The following ST8SIA6 variants were observed in gnomAD, a reference collection of about 807,000 sequenced individuals.
The protein encoded by ST8SIA6 is alpha-2,8-sialyltransferase 8F.
A neutral mutation model predicts 33.6 loss-of-function variants in ST8SIA6; 39 were observed. That is an observed-to-expected ratio of 1.16 (90% CI 0.90 to 1.52). The LOEUF (loss-of-function observed/expected upper bound fraction) is 1.52. Among genes scored for constraint, ST8SIA6 ranks in the 40% most tolerant of loss-of-function variants. The pLI, the probability that ST8SIA6 is intolerant of heterozygous loss-of-function variation, is 0.00. For missense variants in ST8SIA6, 441 were observed against 443.8 expected, an observed-to-expected ratio of 0.99 and a Z score of 0.06; for synonymous variants, 172 against 167.2, an observed-to-expected ratio of 1.03 and a Z score of -0.22.
chr10:17,349,946 A>G (rs1213824559), intron 4 of ST8SIA6, among the ~76,000 whole-genome samples: 1 of 152,118 alleles, frequency 6.6e-6, no homozygotes, highest in Non-Finnish European at 1.5e-5. Flanking sequence ...ACACACACAC[A>G]CACACACATA....
intron 2 of ST8SIA6, among the ~76,000 whole-genome samples, chr10:17,445,198 C>T (rs965701156): frequency 6.6e-6 from 1 of 152,030 alleles, no homozygotes. Flanking sequence ...CCATTGTGAA[C>T]ATATACAACA....
chr10:17,321,733 T>TA (rs1847955613), intron 7 of ST8SIA6, among the ~76,000 whole-genome samples: 1 of 152,214 alleles, frequency 6.6e-6, no homozygotes, highest in African/African-American at 2.4e-5. Flanking sequence ...CAATACATTT[T>TA]AAAAAATTCA....
chr10:17,380,676 C>T (rs1443498672), intron 3 of ST8SIA6, among the ~76,000 whole-genome samples: 1 of 152,148 alleles, frequency 6.6e-6, no homozygotes, highest in Admixed American at 6.6e-5. Flanking sequence ...ATTTAAAAAA[C>T]AAATTTGTGT....
At chr10:17,350,135 T>C (rs1165103102) in intron 4 of ST8SIA6, among the ~76,000 whole-genome samples, 2 of 152,178 alleles carry the variant, frequency 1.3e-5, no homozygotes, top group Non-Finnish European at 2.9e-5. Flanking sequence ...CCAAAGTCCG[T>C]AGTCCCTCCA....
chr10:17,420,753 G>A (rs2026683), intron 2 of ST8SIA6, among the ~76,000 whole-genome samples: 2,655 of 152,214 alleles, frequency 0.017, 77 homozygotes, highest in African/African-American at 0.06. Flanking sequence ...ACCTTGTATT[G>A]GTGTCACACT....
At position 17,358,021 on chromosome 10, in the gene ST8SIA6, A is replaced by G. The variant is rs537559548; in HGVS notation, c.377+1493T>C. ...CCAGGACCTCTCAAATCCAGTCTCA[A>G]ATAGATTGAATTTGGCATAAAACGT... is the stretch of plus-strand genomic sequence containing the variant. On this transcript the variant is annotated intron_variant, in intron 4 of 7. Coordinates refer to ENST00000377602, the MANE Select transcript of ST8SIA6 (RefSeq NM_001004470.3). Among the ~76,000 whole-genome samples, 9 of 152,254 alleles carry G rather than the reference A, an allele frequency of 5.9e-5. No individual in the cohort carries two copies. The South Asian group carries it at 1.9e-3, about 32-fold the overall frequency.
At chr10:17,361,386 T>C (rs191882480) in intron 3 of ST8SIA6, among the ~76,000 whole-genome samples, 1 of 152,100 alleles carries the variant, frequency 6.6e-6, no homozygotes, top group East Asian at 1.9e-4. Flanking sequence ...AAATAGTTGG[T>C]GACTTAGGTG....
intron 4 of ST8SIA6, among the ~76,000 whole-genome samples, chr10:17,338,091 A>G (rs1418007731): frequency 6.7e-6 from 1 of 149,332 alleles, no homozygotes; most frequent in African/African-American, 2.5e-5. Context: ...CTGGAGTGCA[A>G]TGGCGCGATC....
Position 17,317,945 on chromosome 10 carries a change from G to A in ST8SIA6, c.*2933C>T, listed in dbSNP as rs557915787. On this transcript the variant is annotated 3_prime_UTR_variant, in exon 8 of 8. Coordinates refer to ENST00000377602, the MANE Select transcript of ST8SIA6 (RefSeq NM_001004470.3). ...AGCACCAGAGACTTCAAGGATGTTC[G>A]AGGATTATTACACTGCGCAAAAATT... 3.9e-5 allele frequency among the ~76,000 whole-genome samples: 6 copies of A among 152,288 alleles called. No individual in the cohort carries two copies. The highest frequency in any genetic ancestry group is 1.4e-4 in the African/African-American group (6 of 41,574).
chr10:17,412,567 T>C (rs1395508167), intron 2 of ST8SIA6, among the ~76,000 whole-genome samples: 1 of 152,196 alleles, frequency 6.6e-6, no homozygotes, highest in African/African-American at 2.4e-5. Flanking sequence ...ATGCATTGTT[T>C]GAGCCTAGGG....
At chr10:17,327,226 GAGA>G in intron 5 of ST8SIA6, 100 bp from the exon 6 acceptor site, 3 of 843,156 alleles carry the variant, frequency 3.6e-6, no homozygotes, top group Non-Finnish European at 5.5e-6. Flanking sequence ...ACATGCTAAG[GAGA>G]AGAATACGAA....
At position 17,320,858 on chromosome 10, in the gene ST8SIA6, C is replaced by A. The variant is rs1276447503; in HGVS notation, c.*20G>T. On this transcript the variant is annotated 3_prime_UTR_variant, in exon 8 of 8. Coordinates refer to ENST00000377602, the MANE Select transcript of ST8SIA6 (RefSeq NM_001004470.3). ...CCTACTGCATTATATTAAAATTATT[C>A]CCATTTTAAGATACTTTGTTTAGGC... The A allele has an allele frequency of 1.9e-6, 3 of 1,600,306 alleles. No homozygotes were observed. Among genetic ancestry groups the A allele is most frequent in the Admixed American group, 1.7e-5 (1 of 59,780 alleles).
chr10:17,422,611 A>T (rs944556881), intron 2 of ST8SIA6, among the ~76,000 whole-genome samples: 1 of 152,178 alleles, frequency 6.6e-6, no homozygotes, highest in African/African-American at 2.4e-5. Context: ...AAGGTTCAAG[A>T]CACATTGATT....
intron 2 of ST8SIA6, among the ~76,000 whole-genome samples, chr10:17,441,496 A>G (rs1852492412): frequency 6.6e-6 from 1 of 151,976 alleles, no homozygotes; most frequent in East Asian, 1.9e-4. Context: ...TGTATTTAGT[A>G]GAGACAGGGT....
intron 2 of ST8SIA6, among the ~76,000 whole-genome samples, chr10:17,397,448 T>A (rs1375866701): frequency 1.3e-5 from 2 of 152,154 alleles, no homozygotes; most frequent in African/African-American, 4.8e-5. Context: ...TTGGCCAGGC[T>A]GGTCTCGAAC....
rs1427461386 is a variant in ST8SIA6 at position 17,318,535 on chromosome 10, A to G, written c.*2343T>C. The G allele has an allele frequency of 7.8e-6, 3 of 384,976 alleles. No homozygotes were observed. The East Asian group carries it at 2.1e-4, about 28-fold the overall frequency. The allele number at this position is 384,976 out of a possible 1,614,324, so 23.8% of individuals were successfully genotyped here. A position where few individuals can be genotyped will look rare whatever the true frequency, so the allele number is the denominator to read the frequency against. On this transcript the variant is annotated 3_prime_UTR_variant, in exon 8 of 8. Transcript: ENST00000377602. ...CTGGCCTAAAGGGCTGCTCTTGTCT[A>G]GTACCAGAACTCAGACTTTCCATTC...
At chr10:17,331,629 C>A in intron 4 of ST8SIA6, 77 bp from the exon 5 acceptor site, 1 of 1,409,072 alleles carries the variant, frequency 7.1e-7, no homozygotes, top group Non-Finnish European at 9.4e-7. Flanking sequence ...ATGGACAATG[C>A]CGAAGAGGAT....
chr10:17,429,763 G>T (rs60009316), intron 2 of ST8SIA6, among the ~76,000 whole-genome samples: 14,056 of 152,190 alleles, frequency 0.092, 803 homozygotes, highest in South Asian at 0.19. Context: ...AGGATTACAG[G>T]CGTGAGCCAC....
At chr10:17,341,116 A>G (rs967202824) in intron 4 of ST8SIA6, among the ~76,000 whole-genome samples, 6 of 152,234 alleles carry the variant, frequency 3.9e-5, no homozygotes, top group Non-Finnish European at 5.9e-5. Flanking sequence ...ACTTTCTAGA[A>G]CCCAGCAGTG....
Sources: allele counts gnomAD v4.1 joint callset (sites outside exome capture counted in the v4.1 genomes callset), GRCh38; gene constraint gnomAD v4.1.1; transcripts MANE v1.5; gene names NCBI Gene and HGNC (gene_info 2026-07-23, HGNC 2026-07-21).